Variants in AKAP19 observed in about 807,000 individuals in gnomAD.
The protein encoded by AKAP19 is small A-kinase anchoring protein.
chr2:189,970,269 C>T, the AKAP19 span, among the ~76,000 whole-genome samples: 69 of 152,126 alleles, frequency 4.5e-4, 1 homozygote, highest in African/African-American at 1.5e-3. Context: ...CTATATATTC[C>T]CTCACCCAGC....
chr2:189,904,744 A>G, the AKAP19 span, among the ~76,000 whole-genome samples: 2 of 152,014 alleles, frequency 1.3e-5, no homozygotes, highest in Non-Finnish European at 2.9e-5. Context: ...AGATAATTTT[A>G]TGTATTACAA....
the AKAP19 span, among the ~76,000 whole-genome samples, chr2:189,967,240 G>C: frequency 6.6e-6 from 1 of 152,156 alleles, no homozygotes; most frequent in South Asian, 2.1e-4. Context: ...AAGAAACCTG[G>C]GTTCCTGGAT....
At chr2:190,179,789 C>T in the AKAP19 span, among the ~76,000 whole-genome samples, 2 of 152,232 alleles carry the variant, frequency 1.3e-5, no homozygotes, top group African/African-American at 4.8e-5. The surrounding 1 kb of genome is among the most constrained non-coding windows in gnomAD (Gnocchi z 6.0). Context: ...TCTGTGTCCT[C>T]ATCTGTAATG....
the AKAP19 span, among the ~76,000 whole-genome samples, chr2:189,956,238 C>T: frequency 7.6e-6 from 1 of 131,172 alleles, no homozygotes; most frequent in African/African-American, 2.9e-5. Context: ...GGCGGGATCT[C>T]GGCTCACTGC....
the AKAP19 span, among the ~76,000 whole-genome samples, chr2:189,974,600 T>G: frequency 1.3e-5 from 2 of 152,154 alleles, no homozygotes; most frequent in African/African-American, 4.8e-5. Context: ...CCCATTATTA[T>G]TGTGTGGGAG....
chr2:190,038,734 C>A, the AKAP19 span, among the ~76,000 whole-genome samples: 1 of 152,272 alleles, frequency 6.6e-6, no homozygotes, highest in African/African-American at 2.4e-5. Flanking sequence ...CCAGGGGAAA[C>A]AAGCCTTAGC....
At chr2:189,934,259 A>C in the AKAP19 span, among the ~76,000 whole-genome samples, 2 of 152,020 alleles carry the variant, frequency 1.3e-5, no homozygotes, top group Non-Finnish European at 2.9e-5. Context: ...CATTTTTTGC[A>C]TGTTGCACAC....
the AKAP19 span, among the ~76,000 whole-genome samples, chr2:190,121,754 T>C: frequency 0.073 from 11,065 of 152,262 alleles, 416 homozygotes; most frequent in Middle Eastern, 0.11. Flanking sequence ...TCAGCAAGAC[T>C]GATTCTTATG....
chr2:189,935,191 GT>G, the AKAP19 span, among the ~76,000 whole-genome samples: 1 of 151,978 alleles, frequency 6.6e-6, no homozygotes, highest in African/African-American at 2.4e-5. Context: ...CAGAGCAAGT[GT>G]TTTGGCATAT....
At chr2:189,992,953 C>T in the AKAP19 span, among the ~76,000 whole-genome samples, 3 of 152,260 alleles carry the variant, frequency 2.0e-5, no homozygotes, top group African/African-American at 7.2e-5. Context: ...ACAATCATAT[C>T]ATTGGTGAAC....
At chr2:190,017,987 G>A in the AKAP19 span, among the ~76,000 whole-genome samples, 1 of 152,170 alleles carries the variant, frequency 6.6e-6, no homozygotes, top group Non-Finnish European at 1.5e-5. Context: ...CTCATGGTCT[G>A]TAAGGTTTCT....
At chr2:189,898,699 C>G in the AKAP19 span, among the ~76,000 whole-genome samples, 2 of 152,114 alleles carry the variant, frequency 1.3e-5, no homozygotes, top group African/African-American at 4.8e-5. Context: ...GTTTTTGAGT[C>G]TCTTTCCTCT....
the AKAP19 span, chr2:190,079,242 A>G: frequency 2.0e-5 from 3 of 152,220 alleles, no homozygotes; most frequent in Middle Eastern, 3.2e-3. Flanking sequence ...CCACAGTTCA[A>G]CCAGTTGCTT....
chr2:189,930,650 T>A, the AKAP19 span: 1 of 343,100 alleles, frequency 2.9e-6, no homozygotes, highest in Non-Finnish European at 5.7e-6. Context: ...CACTCCAGCC[T>A]GGGTGACAAG....
At chr2:190,100,119 C>T in the AKAP19 span, among the ~76,000 whole-genome samples, 21 of 151,996 alleles carry the variant, frequency 1.4e-4, no homozygotes, top group Non-Finnish European at 2.5e-4. Context: ...TAGATAAATC[C>T]GGGAGTCATA....
the AKAP19 span, among the ~76,000 whole-genome samples, chr2:189,905,261 A>G: frequency 6.6e-6 from 1 of 152,004 alleles, no homozygotes; most frequent in Non-Finnish European, 1.5e-5. Flanking sequence ...TTGCAAACAT[A>G]TAATGTCCTA....
At chr2:190,018,716 G>T in the AKAP19 span, among the ~76,000 whole-genome samples, 1 of 151,964 alleles carries the variant, frequency 6.6e-6, no homozygotes, top group Admixed American at 6.6e-5. Flanking sequence ...TGTGATCTTT[G>T]TGTCATTGTG....
At chr2:189,889,148 G>C in the AKAP19 span, among the ~76,000 whole-genome samples, 2 of 152,030 alleles carry the variant, frequency 1.3e-5, no homozygotes, top group East Asian at 1.9e-4. Flanking sequence ...GTATGAAGGG[G>C]TGTTGTATTT....
At chr2:190,014,338 T>C in the AKAP19 span, among the ~76,000 whole-genome samples, 1 of 152,104 alleles carries the variant, frequency 6.6e-6, no homozygotes, top group African/African-American at 2.4e-5. Flanking sequence ...GCATGTCATA[T>C]ATGGCAGCAG....
Sources: allele counts gnomAD v4.1 joint callset (sites outside exome capture counted in the v4.1 genomes callset), GRCh38; gene constraint gnomAD v4.1.1; non-coding constraint Gnocchi (gnomAD v3.1); transcripts MANE v1.5; gene names NCBI Gene and HGNC (gene_info 2026-07-23, HGNC 2026-07-21).